The following PRRT3 variants were observed in gnomAD, a reference collection of about 807,000 sequenced individuals.
PRRT3 encodes proline-rich transmembrane protein 3.
PRRT3 carries 48 observed loss-of-function variants against 56.6 expected under a neutral mutation model. That is an observed-to-expected ratio of 0.85 (90% CI 0.67 to 1.08). PRRT3 has a LOEUF of 1.08. Among genes scored for constraint, PRRT3 ranks in the 50% least tolerant of loss-of-function variants. The pLI, the probability that PRRT3 is intolerant of heterozygous loss-of-function variation, is 0.00. For missense variants in PRRT3, 1,370 were observed against 1,353.1 expected (o/e 1.01, Z -0.20); for synonymous variants, 641 against 619.1 (o/e 1.04, Z -0.52).
At chr3:9,948,577 A>G in intron 3 of PRRT3, 181 bp downstream of exon 3, 1 of 684,456 alleles carries the variant, frequency 1.5e-6, no homozygotes, top group South Asian at 2.0e-5. Context: ...GACTTCTCCC[A>G]GATTTCCCAG....
chr3:9,949,032 CCAGGGTCAAA>C lies in PRRT3; in HGVS notation c.1015+59_1015+68del, dbSNP rs751738236. ...AGAGGAAAATGAGACCTAGAGGGACCCAGGGTCAAACAGAATTGAGGCATCCAGCTGCCCC... is the reference window on the plus strand; with the variant it reads ...AGAGGAAAATGAGACCTAGAGGGACCCAGAATTGAGGCATCCAGCTGCCCC... On this transcript the variant is annotated intron_variant, in intron 2 of 3. Transcript: ENST00000412055. The surrounding 1 kb of genome is among the most constrained non-coding windows in gnomAD (Gnocchi z 4.5). 62 of 1,522,928 alleles carry C rather than the reference CCAGGGTCAAA, an allele frequency of 4.1e-5. No homozygotes were observed. Among genetic ancestry groups the C allele is most frequent in the Non-Finnish European group, 4.4e-5 (50 of 1,140,558 alleles). The allele number at this position is 1,522,928 out of a possible 1,614,324, so 94.3% of individuals were successfully genotyped here.
In PRRT3 at chr3:9,949,839, C is replaced by G; in HGVS notation, c.277G>C (p.Gly93Arg). 6.2e-7 allele frequency: 1 copy of G among 1,613,868 alleles called. No homozygotes were observed. The highest frequency in any genetic ancestry group is 1.7e-4 in the Middle Eastern group (1 of 6,058). Reference protein sequence around the residue: ...MPEKPVASPLGPALYGPKAAQ... With the variant: ...MPEKPVASPLRPALYGPKAAQ... ...GCTTTGGGCCCGTACAGGGCTGGGC[C>G]AAGGGGAGAGGCTACAGGCTTCTCA... is the stretch of plus-strand genomic sequence containing the variant. The change falls in exon 2 of 4, where the codon GGC becomes CGC. Residue 93 changes from glycine (G) to arginine (R), a missense_variant. Physicochemically the swap from Gly to Arg is moderately radical, Grantham distance 125. Coordinates refer to ENST00000412055, the MANE Select transcript of PRRT3 (RefSeq NM_207351.5). The surrounding 1 kb of genome is among the most constrained non-coding windows in gnomAD (Gnocchi z 4.5).
In PRRT3 at chr3:9,947,159, A is replaced by G. The variant is rs1216134246; in HGVS notation, c.2014T>C (p.Ser672Pro). Residue 672 changes from serine to proline, a missense_variant, in exon 4 of 4, where the codon TCG (serine) becomes CCG (proline). Ser to Pro is a moderately conservative substitution (Grantham distance 74, BLOSUM62 -1). Coordinates refer to ENST00000412055, the MANE Select transcript of PRRT3 (RefSeq NM_207351.5). The surrounding 1 kb of genome is among the most constrained non-coding windows in gnomAD (Gnocchi z 9.2). ...YPGPGRVGRFSWAWWGVHFWL... is the reference protein window; with the variant it reads ...YPGPGRVGRFPWAWWGVHFWL... ...AAGTGGACACCCCACCAGGCCCACGAGAAGCGGCCCACGCGGCCTGGGCCC... is the reference window on the plus strand; with the variant it reads ...AAGTGGACACCCCACCAGGCCCACGGGAAGCGGCCCACGCGGCCTGGGCCC... 1.3e-6 allele frequency: 2 copies of G among 1,535,846 alleles called. No individual in the cohort carries two copies. Among genetic ancestry groups the G allele is most frequent in the Non-Finnish European group, 1.7e-6 (2 of 1,146,632 alleles).
At chr3:9,948,705 C>T (rs1194901524) in intron 3 of PRRT3, 53 bp downstream of exon 3, 1 of 1,607,192 alleles carries the variant, frequency 6.2e-7, no homozygotes, top group South Asian at 1.1e-5. Context: ...AACAGAGGTT[C>T]TCAGTTACTA....
rs777959953 is a variant in PRRT3, at chr3:9,949,161, G to A, written c.955C>T (p.Pro319Ser). The A allele has an allele frequency of 1.4e-5, 22 of 1,612,240 alleles. No individual in the cohort carries two copies. In the East Asian group the frequency reaches 4.9e-4, roughly 36 times the overall value. ...GGTGGATCCGTGGGCTGGGGTCCTG[G>A]TGAATCCTTAGCGTCAGGAAGGTCA... is the stretch of plus-strand genomic sequence containing the variant. Reference protein sequence around the residue: ...QADLPDAKDSPGPQPTDPPAS... With the variant: ...QADLPDAKDSSGPQPTDPPAS... The change falls in exon 2 of 4, where the codon CCA (proline) becomes TCA (serine). Residue 319 changes from proline (P) to serine (S), a missense_variant. Pro to Ser is a moderately conservative substitution (Grantham distance 74). Coordinates refer to ENST00000412055, the MANE Select transcript of PRRT3 (RefSeq NM_207351.5). The surrounding 1 kb of genome is among the most constrained non-coding windows in gnomAD (Gnocchi z 4.5).
Position 9,947,797 on chromosome 3 carries a change from C to T in PRRT3, c.1376G>A (p.Arg459His), listed in dbSNP as rs894881810. ...PPANATAPPL[R>H]WGPLRRVLSF... ...CAGGACCCGCCGAAGGGGGCCCCAGCGTAGCGGGGGTGCAGTGGCGTTGGC... is the reference window on the plus strand; with the variant it reads ...CAGGACCCGCCGAAGGGGGCCCCAGTGTAGCGGGGGTGCAGTGGCGTTGGC... Residue 459 changes from arginine to histidine, a missense_variant, in exon 4 of 4, where the codon CGC (arginine) becomes CAC (histidine). Transcript: ENST00000412055. The surrounding 1 kb of genome is among the most constrained non-coding windows in gnomAD (Gnocchi z 9.2). 3 of 1,458,530 alleles carry T rather than the reference C, an allele frequency of 2.1e-6. No homozygotes were observed. Among genetic ancestry groups the T allele is most frequent in the Non-Finnish European group, 2.7e-6 (3 of 1,106,072 alleles). The allele number at this position is 1,458,530 out of a possible 1,614,324, so 90.3% of individuals were successfully genotyped here. A position where few individuals can be genotyped will look rare whatever the true frequency, so the allele number is the denominator to read the frequency against.
At position 9,946,306 on chromosome 3, in the gene PRRT3, C is replaced by T. The variant is rs1222597224; in HGVS notation, c.2867G>A (p.Gly956Glu). The T allele has an allele frequency of 2.5e-6, 4 of 1,612,650 alleles. No homozygotes were observed. In the African/African-American group the frequency reaches 5.3e-5, roughly 22 times the overall value. The change falls in exon 4 of 4, where the codon GGG becomes GAG. Residue 956 changes from glycine to glutamate, a missense_variant. Gly to Glu is a moderately conservative substitution (Grantham distance 98). Coordinates refer to ENST00000412055, the MANE Select transcript of PRRT3 (RefSeq NM_207351.5). This position sits in a 1 kb window ranked among gnomAD's most constrained non-coding sequence, Gnocchi z 4.1. ...CGGCTGGACCTCTCCCTGGCCGTCC[C>T]CCTGCCGAGCGGCGGTAGAATCAGG... ...PAPDSTAARQ[G>E]DGQGEVQPRG...
rs534024866 is a variant in PRRT3 at position 9,950,163 on chromosome 3, C to T, written c.-48G>A. 3.8e-6 allele frequency: 5 copies of T among 1,331,928 alleles called. No homozygotes were observed. In the African/African-American group the frequency reaches 6.0e-5, roughly 16 times the overall value. The allele number at this position is 1,331,928 out of a possible 1,614,324, so 82.5% of individuals were successfully genotyped here. On this transcript the variant is annotated 5_prime_UTR_variant, in exon 2 of 4. In the 5' UTR this introduces an upstream ATG that the reference lacks. Coordinates refer to ENST00000412055, the MANE Select transcript of PRRT3 (RefSeq NM_207351.5). ...TAAAGCCCCCACCTTCCAGTCCTCA[C>T]TGGATGAGCCTAAAAAAAAAACAGG...
chr3:9,946,848 A>G lies in PRRT3; in HGVS notation c.2325T>C (p.Ala775=). The change falls in exon 4 of 4, where the codon GCT becomes GCC. Residue 775 remains alanine, a synonymous_variant. Coordinates refer to ENST00000412055, the MANE Select transcript of PRRT3 (RefSeq NM_207351.5). This position sits in a 1 kb window ranked among gnomAD's most constrained non-coding sequence, Gnocchi z 4.1. ...ATPSSGAWGS[A]ASLGRGPQGG... is the part of the protein sequence containing the mutation. ...CCTGGGGTCCGCGACCCAACGACGC[A>G]GCCGAGCCCCAGGCGCCTGAACTGG... The G allele has an allele frequency of 6.5e-7, 1 of 1,539,348 alleles. No individual in the cohort carries two copies.
At position 9,946,680 on chromosome 3, in the gene PRRT3, G is replaced by A; in HGVS notation, c.2493C>T (p.Phe831=). The A allele has an allele frequency of 7.0e-7, 1 of 1,433,590 alleles. No individual in the cohort carries two copies. The highest frequency in any genetic ancestry group is 2.7e-5 in the East Asian group (1 of 36,776). The allele number at this position is 1,433,590 out of a possible 1,614,324, so 88.8% of individuals were successfully genotyped here. A position where few individuals can be genotyped will look rare whatever the true frequency, so the allele number is the denominator to read the frequency against. ...CCAGGCCGCGGAGGCCGCAGCGCTG[G>A]AACACACTGTCTCGCACTAGGTGCT... ...FREHLVRDSV[F]QRCGLRGLAS... Residue 831 remains phenylalanine (F), a synonymous_variant, in exon 4 of 4, where the codon TTC becomes TTT. Transcript: ENST00000412055. The surrounding 1 kb of genome is among the most constrained non-coding windows in gnomAD (Gnocchi z 4.1).
chr3:9,946,049 G>T lies in PRRT3; in HGVS notation c.*178C>A. On this transcript the variant is annotated 3_prime_UTR_variant, in exon 4 of 4. Coordinates refer to ENST00000412055, the MANE Select transcript of PRRT3 (RefSeq NM_207351.5). This position sits in a 1 kb window ranked among gnomAD's most constrained non-coding sequence, Gnocchi z 4.1. ...GTTTCGCTATGTTCGAGACCAGGAG[G>T]CTGATCTCGAACTCCTGACCTCGTG... The T allele has an allele frequency of 1.1e-6, 1 of 906,640 alleles. No homozygotes were observed. Among genetic ancestry groups the T allele is most frequent in the Non-Finnish European group, 1.6e-6 (1 of 627,010 alleles). The allele number at this position is 906,640 out of a possible 1,614,324, so 56.2% of individuals were successfully genotyped here.
In PRRT3 at chr3:9,949,389, T is replaced by C; in HGVS notation, c.727A>G (p.Thr243Ala). 1 of 1,614,074 alleles carries C rather than the reference T, an allele frequency of 6.2e-7. No homozygotes were observed. Among genetic ancestry groups the C allele is most frequent in the Non-Finnish European group, 8.5e-7 (1 of 1,180,012 alleles). The change falls in exon 2 of 4, where the codon ACC becomes GCC. Residue 243 changes from threonine to alanine, a missense_variant. Coordinates refer to ENST00000412055, the MANE Select transcript of PRRT3 (RefSeq NM_207351.5). The surrounding 1 kb of genome is among the most constrained non-coding windows in gnomAD (Gnocchi z 4.5). ...TCAGGGGCTGCTGGATCCTGCTGGG[T>C]GAAGTGGGGACCTTGAGCTGCCTCC... ...LQEAAQGPHF[T>A]QQDPAAPDVG...
chr3:9,949,387 G>T lies in PRRT3; in HGVS notation c.729C>A (p.Thr243=). The part of the protein sequence containing the change: ...LQEAAQGPHF[T]QQDPAAPDVG... ...CATCAGGGGCTGCTGGATCCTGCTGGGTGAAGTGGGGACCTTGAGCTGCCT... is the reference window on the plus strand; with the variant it reads ...CATCAGGGGCTGCTGGATCCTGCTGTGTGAAGTGGGGACCTTGAGCTGCCT... Residue 243 remains threonine, a synonymous_variant, in exon 2 of 4, where the codon ACC becomes ACA. Coordinates refer to ENST00000412055, the MANE Select transcript of PRRT3 (RefSeq NM_207351.5). This position sits in a 1 kb window ranked among gnomAD's most constrained non-coding sequence, Gnocchi z 4.5. The T allele has an allele frequency of 6.2e-7, 1 of 1,614,190 alleles. No individual in the cohort carries two copies. Among genetic ancestry groups the T allele is most frequent in the Non-Finnish European group, 8.5e-7 (1 of 1,180,048 alleles).
In PRRT3 at chr3:9,946,609, T is replaced by C; in HGVS notation, c.2564A>G (p.His855Arg). 1 of 1,397,250 alleles carries C rather than the reference T, an allele frequency of 7.2e-7. No homozygotes were observed. Among genetic ancestry groups the C allele is most frequent in the Non-Finnish European group, 9.2e-7 (1 of 1,083,526 alleles). The allele number at this position is 1,397,250 out of a possible 1,614,324, so 86.6% of individuals were successfully genotyped here. The change falls in exon 4 of 4, where the codon CAT becomes CGT. Residue 855 changes from histidine to arginine, a missense_variant. Physicochemically the swap from His to Arg is conservative, Grantham distance 29 (BLOSUM62 0). Coordinates refer to ENST00000412055, the MANE Select transcript of PRRT3 (RefSeq NM_207351.5). This position sits in a 1 kb window ranked among gnomAD's most constrained non-coding sequence, Gnocchi z 4.1. Reference sequence around the variant, plus strand: ...AGCGTCGTCGAGCTCGGCTTTGGGATGGCTGCCCCGGCGCGGCCGCAGAGC... The same window carrying C: ...AGCGTCGTCGAGCTCGGCTTTGGGACGGCTGCCCCGGCGCGGCCGCAGAGC... The part of the protein sequence containing the change: ...GGALRPRRGS[H>R]PKAELDDAGS...
In PRRT3 at chr3:9,947,712, CA is replaced by C; in HGVS notation, c.1460del (p.Leu487CysfsTer69). 1 of 1,567,240 alleles carries C rather than the reference CA, an allele frequency of 6.4e-7. No homozygotes were observed. The highest frequency in any genetic ancestry group is 8.6e-7 in the Non-Finnish European group (1 of 1,160,040). On this transcript the variant is annotated frameshift_variant, in exon 4 of 4. Transcript: ENST00000412055. LOFTEE classifies it high-confidence loss of function. This position sits in a 1 kb window ranked among gnomAD's most constrained non-coding sequence, Gnocchi z 9.2. ...GVGVLFLLPA[L>X]LALAALAAAP... Reference sequence around the variant, plus strand: ...CGGCTGCCAGCGCAGCCAGCGCCAACAACGCGGGCAGCAGAAAGAGTACCCC... The same window carrying C: ...CGGCTGCCAGCGCAGCCAGCGCCAACACGCGGGCAGCAGAAAGAGTACCCC...
At position 9,949,683 on chromosome 3, in the gene PRRT3, G is replaced by T. The variant is rs191203431; in HGVS notation, c.433C>A (p.His145Asn). ...ELLQQEAVAP[H>N]PVGHPHLTFI... ...GTGAGATGAGGGTGGCCCACTGGGTGGGGAGCCACTGCTTCTTGCTGCAGA... is the reference window on the plus strand; with the variant it reads ...GTGAGATGAGGGTGGCCCACTGGGTTGGGAGCCACTGCTTCTTGCTGCAGA... The change falls in exon 2 of 4, where the codon CAC becomes AAC. Residue 145 changes from histidine to asparagine, a missense_variant. His to Asn is a moderately conservative substitution (Grantham distance 68, BLOSUM62 1). Transcript: ENST00000412055. The surrounding 1 kb of genome is among the most constrained non-coding windows in gnomAD (Gnocchi z 4.5). 1 of 1,614,138 alleles carries T rather than the reference G, an allele frequency of 6.2e-7. No homozygotes were observed. Among genetic ancestry groups the T allele is most frequent in the East Asian group, 2.2e-5 (1 of 44,880 alleles).
chr3:9,947,185 G>A lies in PRRT3; in HGVS notation c.1988C>T (p.Pro663Leu), dbSNP rs1267436082. ...GAAGCGGCCCACGCGGCCTGGGCCCGGGTACAGCCAGAGCGCAGCCGCCAG... is the reference window on the plus strand; with the variant it reads ...GAAGCGGCCCACGCGGCCTGGGCCCAGGTACAGCCAGAGCGCAGCCGCCAG... Reference protein sequence around the residue: ...LQLAAALWLYPGPGRVGRFSW... With the variant: ...LQLAAALWLYLGPGRVGRFSW... Residue 663 changes from proline (P) to leucine (L), a missense_variant, in exon 4 of 4, where the codon CCG (proline) becomes CTG (leucine). Coordinates refer to ENST00000412055, the MANE Select transcript of PRRT3 (RefSeq NM_207351.5). The surrounding 1 kb of genome is among the most constrained non-coding windows in gnomAD (Gnocchi z 9.2). 8 of 1,530,142 alleles carry A rather than the reference G, an allele frequency of 5.2e-6. No individual in the cohort carries two copies. The East Asian group carries it at 1.2e-4, about 24-fold the overall frequency. 94.8% of individuals were successfully genotyped at this position (1,530,142 alleles called of 1,614,324 possible).
In PRRT3 at chr3:9,951,069, C is replaced by T. The variant is rs1230911120; in HGVS notation, c.-57-897G>A. Among the ~76,000 whole-genome samples, 3 of 152,190 alleles carry T rather than the reference C, an allele frequency of 2.0e-5. 1 individual carries two copies. Among genetic ancestry groups the T allele is most frequent in the Admixed American group, 2.0e-4 (3 of 15,284 alleles). ...GACAAGCGTTACACATTCCTCTTCCCGCCTTCCTTCCCTCATCTTCCTGGG... is the reference window on the plus strand; with the variant it reads ...GACAAGCGTTACACATTCCTCTTCCTGCCTTCCTTCCCTCATCTTCCTGGG... On this transcript the variant is annotated intron_variant, in intron 1 of 3. Coordinates refer to ENST00000412055, the MANE Select transcript of PRRT3 (RefSeq NM_207351.5).
rs913790859 is a variant in PRRT3, at chr3:9,946,160, A to C, written c.*67T>G. 2.1e-5 allele frequency: 33 copies of C among 1,541,158 alleles called. No homozygotes were observed. Among genetic ancestry groups the C allele is most frequent in the Non-Finnish European group, 2.0e-5 (23 of 1,142,484 alleles). On this transcript the variant is annotated 3_prime_UTR_variant, in exon 4 of 4. Coordinates refer to ENST00000412055, the MANE Select transcript of PRRT3 (RefSeq NM_207351.5). This position sits in a 1 kb window ranked among gnomAD's most constrained non-coding sequence, Gnocchi z 4.1. ...CAGGATGCCCATTTTTTAAAGGCTC[A>C]ACTGTCCCAGTAGGCCATGCCATGT...
Sources: allele counts gnomAD v4.1 joint callset (sites outside exome capture counted in the v4.1 genomes callset), GRCh38; gene constraint gnomAD v4.1.1; non-coding constraint Gnocchi (gnomAD v3.1); transcripts MANE v1.5; gene names NCBI Gene and HGNC (gene_info 2026-07-23, HGNC 2026-07-21).